Variants in KCNE2 observed in about 807,000 individuals in gnomAD.
The protein encoded by KCNE2 is potassium voltage-gated channel subfamily E member 2.
A neutral mutation model predicts 4.5 loss-of-function variants in KCNE2; 4 were observed. That is an observed-to-expected ratio of 0.89 (90% CI 0.44 to 2.03). KCNE2 has a LOEUF of 2.03. Among genes scored for constraint, KCNE2 ranks in the 30% most tolerant of loss-of-function variants. The pLI is 0.03. For synonymous variants in KCNE2, 57 were observed against 55.9 expected (o/e 1.02, Z -0.09); for missense variants, 137 against 151.4 (o/e 0.90, Z 0.50).
In KCNE2 at chr21:34,366,827, A is replaced by C. The variant is rs1165192288; in HGVS notation, c.-13+2676A>C. Among the ~76,000 whole-genome samples the C allele has an allele frequency of 2.6e-5, 4 of 151,760 alleles. No individual in the cohort carries two copies. The East Asian group carries it at 7.8e-4, about 29-fold the overall frequency. ...ACCCCGTCTGTACTAAAAATACAAA[A>C]AATTAGCCGGGCTTCGTGGCGGGTG... is the stretch of plus-strand genomic sequence containing the variant. On this transcript the variant is annotated intron_variant, in intron 1 of 1. Coordinates refer to ENST00000290310, the MANE Select transcript of KCNE2 (RefSeq NM_172201.2).
intron 1 of KCNE2, among the ~76,000 whole-genome samples, chr21:34,366,973 T>C (rs1474324304): frequency 6.3e-5 from 1 of 15,924 alleles, no homozygotes; most frequent in African/African-American, 5.0e-4. Context: ...AGACTCCATC[T>C]CAAAAAAAAA....
At chr21:34,368,230 A>ACACACAC (rs1568812346) in intron 1 of KCNE2, among the ~76,000 whole-genome samples, 2 of 13,068 alleles carry the variant, frequency 1.5e-4, no homozygotes, top group African/African-American at 3.6e-4. Flanking sequence ...CACACACACA[A>ACACACAC]TATATATATA....
At chr21:34,366,806 C>T (rs1022769335) in intron 1 of KCNE2, among the ~76,000 whole-genome samples, 6 of 151,172 alleles carry the variant, frequency 4.0e-5, no homozygotes, top group South Asian at 2.1e-4. Flanking sequence ...GGTGAAACCC[C>T]GTCTGTACTA....
chr21:34,364,867 A>G (rs1007780991), intron 1 of KCNE2, among the ~76,000 whole-genome samples: 2 of 152,154 alleles, frequency 1.3e-5, no homozygotes, highest in Non-Finnish European at 2.9e-5. Context: ...TGTCATGAAT[A>G]ACACACATTC....
intron 1 of KCNE2, among the ~76,000 whole-genome samples, chr21:34,365,181 C>A (rs1055523468): frequency 2.0e-5 from 3 of 152,156 alleles, no homozygotes; most frequent in African/African-American, 7.2e-5. Context: ...TATCAGAGAG[C>A]AAACCAGCCT....
intron 1 of KCNE2, among the ~76,000 whole-genome samples, chr21:34,368,227 A>ATATCTATAT (rs1979400986): frequency 5.3e-5 from 3 of 56,398 alleles, no homozygotes; most frequent in African/African-American, 2.3e-4. Flanking sequence ...ACACACACAC[A>ATATCTATAT]CAATATATAT....
chr21:34,366,974 C>CAAAAAAA (rs747133749), intron 1 of KCNE2, among the ~76,000 whole-genome samples: 3 of 14,818 alleles, frequency 2.0e-4, no homozygotes, highest in Non-Finnish European at 4.0e-4. Flanking sequence ...GACTCCATCT[C>CAAAAAAA]AAAAAAAAAA....
intron 1 of KCNE2, among the ~76,000 whole-genome samples, chr21:34,367,414 G>A (rs1350910545): frequency 6.6e-6 from 1 of 152,160 alleles, no homozygotes; most frequent in Non-Finnish European, 1.5e-5. Flanking sequence ...TCATTTTAAA[G>A]GGGAAAAAGC....
chr21:34,368,092 A>G (rs1226137211), intron 1 of KCNE2, among the ~76,000 whole-genome samples: 1 of 151,164 alleles, frequency 6.6e-6, no homozygotes, highest in Non-Finnish European at 1.5e-5. Context: ...CATGCATCAA[A>G]TGTCCATTGA....
chr21:34,364,308 A>G (rs1825018086), intron 1 of KCNE2, among the ~76,000 whole-genome samples, 157 bp downstream of exon 1: 1 of 151,940 alleles, frequency 6.6e-6, no homozygotes, highest in African/African-American at 2.4e-5. Flanking sequence ...TTCCTTACTC[A>G]TTTCTTTGTT....
chr21:34,366,748 G>C (rs965043830), intron 1 of KCNE2, among the ~76,000 whole-genome samples: 5 of 150,718 alleles, frequency 3.3e-5, no homozygotes, highest in African/African-American at 1.2e-4. Context: ...GGGAGGCCAA[G>C]GTGGGCGGAT....
chr21:34,364,512 G>C (rs1158020973), intron 1 of KCNE2, among the ~76,000 whole-genome samples: 1 of 152,188 alleles, frequency 6.6e-6, no homozygotes, highest in South Asian at 2.1e-4. Flanking sequence ...GCTCACGCCT[G>C]TAATCCCAGC....
Position 34,368,267 on chromosome 21 carries a change from T to TA in KCNE2, c.-12-2200_-12-2199insA, listed in dbSNP as rs1370394357. Among the ~76,000 whole-genome samples, 536 of 70,714 alleles carry TA rather than the reference T, an allele frequency of 7.6e-3. 6 individuals are homozygous for TA. Among genetic ancestry groups the TA allele is most frequent in the African/African-American group, 0.017 (244 of 14,396 alleles). 46.4% of individuals were successfully genotyped at this position (70,714 alleles called of 152,430 possible). ...ATATATATATATATATATATGTATG[T>TA]TATATATATGTATGTTATATATATG... On this transcript the variant is annotated intron_variant, in intron 1 of 1. Transcript: ENST00000290310.
At chr21:34,370,439 T>C (rs1979524576) in intron 1 of KCNE2, 28 bp from the exon 2 acceptor site, 2 of 1,614,156 alleles carry the variant, frequency 1.2e-6, no homozygotes, top group East Asian at 2.2e-5. Context: ...CCTAACCTTG[T>C]TCGCCTATTT....
chr21:34,368,250 A>C (rs1257955912), intron 1 of KCNE2, among the ~76,000 whole-genome samples: 23 of 103,976 alleles, frequency 2.2e-4, no homozygotes, highest in African/African-American at 1.0e-3. Flanking sequence ...ATATATATAT[A>C]TATATATATA....
rs757838648 is a variant in KCNE2 at position 34,370,478 on chromosome 21, C to T, written c.-1C>T. On this transcript the variant is annotated 5_prime_UTR_variant, in exon 2 of 2. Transcript: ENST00000290310. ...TATTTAAATTGCAGCAGGAGGGAAG[C>T]ATGTCTACTTTATCCAATTTCACAC... 4.3e-6 allele frequency: 7 copies of T among 1,614,208 alleles called. No individual in the cohort carries two copies. Among genetic ancestry groups the T allele is most frequent in the African/African-American group, 1.3e-5 (1 of 75,052 alleles).
rs549554314 is a variant in KCNE2 at position 34,371,058 on chromosome 21, T to C, written c.*208T>C. The C allele has an allele frequency of 2.0e-5, 13 of 655,520 alleles. No homozygotes were observed. In the African/African-American group the frequency reaches 2.2e-4, roughly 11 times the overall value. The allele number at this position is 655,520 out of a possible 1,614,324, so 40.6% of individuals were successfully genotyped here. A position where few individuals can be genotyped will look rare whatever the true frequency, so the allele number is the denominator to read the frequency against. On this transcript the variant is annotated 3_prime_UTR_variant, in exon 2 of 2. Coordinates refer to ENST00000290310, the MANE Select transcript of KCNE2 (RefSeq NM_172201.2). ...ATGCTTGCTTGTTGGAGCAATATTT[T>C]GTGCTGAAGACCTCTTTTACTTTCC... is the stretch of plus-strand genomic sequence containing the variant.
chr21:34,365,586 C>T (rs141165122), intron 1 of KCNE2, among the ~76,000 whole-genome samples: 24 of 152,194 alleles, frequency 1.6e-4, no homozygotes, highest in African/African-American at 5.5e-4. Flanking sequence ...CCATCACATC[C>T]AGCTATTTTT....
In KCNE2 at chr21:34,370,498, TCA is replaced by T; in HGVS notation, c.25_26del (p.Gln9AspfsTer24). ...GGAAGCATGTCTACTTTATCCAATT[TCA>T]CACAGACGCTGGAAGACGTCTTCCG... On this transcript the variant is annotated frameshift_variant, in exon 2 of 2. Transcript: ENST00000290310. LOFTEE classifies it high-confidence loss of function. 1 of 1,614,218 alleles carries T rather than the reference TCA, an allele frequency of 6.2e-7. No homozygotes were observed. Among genetic ancestry groups the T allele is most frequent in the Non-Finnish European group, 8.5e-7 (1 of 1,180,046 alleles).
Sources: gnomAD v4.1 joint callset for allele counts (sites outside exome capture counted in the v4.1 genomes callset) on GRCh38, gnomAD v4.1.1 for gene constraint, MANE v1.5 for transcripts, NCBI Gene and HGNC (gene_info 2026-07-23, HGNC 2026-07-21) for gene names.